The following SLC44A1 variants were observed in gnomAD, a reference collection of about 807,000 sequenced individuals.
The protein encoded by SLC44A1 is choline transporter-like protein 1.
Under a neutral mutation model 79.3 loss-of-function variants are expected in SLC44A1, and 26 were observed. The observed-to-expected ratio is 0.33, with a 90% CI of 0.24 to 0.46. SLC44A1 has a LOEUF of 0.46. Ranked by LOEUF, SLC44A1 falls within the 20% of genes least tolerant of loss-of-function variation. The probability of loss-of-function intolerance (pLI) is 1.00; values close to 1 mark genes in which losing one functional copy is unlikely to be tolerated. For synonymous variants in SLC44A1, 263 were observed against 286.2 expected (o/e 0.92, Z 0.82); for missense variants, 688 against 798.1 (o/e 0.86, Z 1.66).
At chr9:105,427,375 C>T (rs1829336807) in intron 15 of SLC44A1, among the ~76,000 whole-genome samples, 1 of 152,068 alleles carries the variant, frequency 6.6e-6, no homozygotes, top group South Asian at 2.1e-4. Context: ...CAGCAATTTC[C>T]TCTCAAAATT....
At position 105,414,879 on chromosome 9, in the gene SLC44A1, C is replaced by T. The variant is rs549857196; in HGVS notation, c.1951-23402C>T. 7.2e-5 allele frequency among the ~76,000 whole-genome samples: 11 copies of T among 152,238 alleles called. No individual in the cohort carries two copies. The South Asian group carries it at 2.3e-3, about 32-fold the overall frequency. On this transcript the variant is annotated intron_variant, in intron 15 of 15. Coordinates refer to the SLC44A1 transcript ENST00000374724. Reference sequence around the variant, plus strand: ...CTTTGGAATGTTTATGTCCCATAAACTAACCATTAGGGATCTGTTTATTGG... The same window carrying T: ...CTTTGGAATGTTTATGTCCCATAAATTAACCATTAGGGATCTGTTTATTGG...
intron 7 of SLC44A1, among the ~76,000 whole-genome samples, chr9:105,359,649 AT>A (rs1282725038): frequency 1.3e-5 from 2 of 152,064 alleles, no homozygotes; most frequent in African/African-American, 4.8e-5. Flanking sequence ...ATTTCATTCT[AT>A]TTTTTTAACT....
At chr9:105,388,090 T>C (rs1199613658) in intron 15 of SLC44A1, among the ~76,000 whole-genome samples, 1 of 152,240 alleles carries the variant, frequency 6.6e-6, no homozygotes, top group East Asian at 1.9e-4. Flanking sequence ...ATTGTTCTGG[T>C]GCTTTGGACA....
chr9:105,244,917 C>T lies in SLC44A1; in HGVS notation c.36+13C>T. 1 of 1,179,546 alleles carries T rather than the reference C, an allele frequency of 8.5e-7. No individual in the cohort carries two copies. The allele number at this position is 1,179,546 out of a possible 1,614,324, so 73.1% of individuals were successfully genotyped here. On this transcript the variant is annotated intron_variant, in intron 1 of 15. Coordinates refer to ENST00000374720, the MANE Select transcript of SLC44A1 (RefSeq NM_080546.5). ...CTCCGCCGCGCAGGTGAGGGGCTCC[C>T]GCCTCCCGGCCGCCCGCCCGGATGC...
rs182098443 is a variant in SLC44A1, at chr9:105,245,230, G to C, written c.36+326G>C. 6.9e-4 allele frequency among the ~76,000 whole-genome samples: 105 copies of C among 152,112 alleles called. 1 individual carries two copies. Among genetic ancestry groups the C allele is most frequent in the Middle Eastern group, 3.4e-3 (1 of 294 alleles). Reference sequence around the variant, plus strand: ...GCCTGCAGGTAGAGGCTGCACTGGCGCCTCCTCTGCCCCAGGTGGCATCCC... The same window carrying C: ...GCCTGCAGGTAGAGGCTGCACTGGCCCCTCCTCTGCCCCAGGTGGCATCCC... On this transcript the variant is annotated intron_variant, in intron 1 of 15. Coordinates refer to ENST00000374720, the MANE Select transcript of SLC44A1 (RefSeq NM_080546.5).
chr9:105,262,814 C>A (rs937108338), intron 1 of SLC44A1, among the ~76,000 whole-genome samples: 8 of 152,220 alleles, frequency 5.3e-5, no homozygotes, highest in African/African-American at 1.7e-4. Context: ...TTCCATTTAT[C>A]TTCCAGCTTT....
chr9:105,328,013 C>T (rs1337297376), intron 3 of SLC44A1, among the ~76,000 whole-genome samples: 7 of 152,150 alleles, frequency 4.6e-5, no homozygotes, highest in Non-Finnish European at 8.8e-5. Flanking sequence ...TTTGAATAAA[C>T]GAGAGTATTT....
At chr9:105,366,297 C>A in intron 11 of SLC44A1, 49 bp from the exon 12 acceptor site, 1 of 951,340 alleles carries the variant, frequency 1.1e-6, no homozygotes, top group Non-Finnish European at 1.5e-6. Context: ...TTCTATGTGA[C>A]AGTTTGATTC....
chr9:105,324,817 A>G (rs758164280), intron 3 of SLC44A1, among the ~76,000 whole-genome samples: 4 of 152,206 alleles, frequency 2.6e-5, no homozygotes, highest in Non-Finnish European at 5.9e-5. Context: ...ACTATTTCAC[A>G]TCCACTAGAA....
At chr9:105,324,126 C>T (rs370734618) in intron 3 of SLC44A1, among the ~76,000 whole-genome samples, 3 of 151,620 alleles carry the variant, frequency 2.0e-5, no homozygotes, top group Non-Finnish European at 2.9e-5. Context: ...CTCAGCCTCC[C>T]GAGTAGCTGG....
chr9:105,431,002 C>T (rs1477968245), intron 15 of SLC44A1, among the ~76,000 whole-genome samples: 2 of 152,148 alleles, frequency 1.3e-5, no homozygotes, highest in Non-Finnish European at 2.9e-5. Flanking sequence ...TTTTGTTTTG[C>T]ATTTTCCTTA....
rs1240201940 is a variant in SLC44A1, at chr9:105,390,127, T to A, written c.*1071T>A. 8.1e-7 allele frequency: 1 copy of A among 1,240,362 alleles called. No individual in the cohort carries two copies. The highest frequency in any genetic ancestry group is 1.0e-6 in the Non-Finnish European group (1 of 986,244). The allele number at this position is 1,240,362 out of a possible 1,614,324, so 76.8% of individuals were successfully genotyped here. A position where few individuals can be genotyped will look rare whatever the true frequency, so the allele number is the denominator to read the frequency against. On this transcript the variant is annotated 3_prime_UTR_variant, in exon 16 of 16. Transcript: ENST00000374720. Reference sequence around the variant, plus strand: ...AGTTCTACGATGTTTAACTGAAGAATTGGCTAATGTTTTGATCCTCCAGTG... The same window carrying A: ...AGTTCTACGATGTTTAACTGAAGAAATGGCTAATGTTTTGATCCTCCAGTG...
rs546602135 is a variant in SLC44A1 at position 105,434,113 on chromosome 9, G to A, written c.1951-4168G>A. Among the ~76,000 whole-genome samples, 39 of 152,282 alleles carry A rather than the reference G, an allele frequency of 2.6e-4. 1 individual carries two copies. Among genetic ancestry groups the A allele is most frequent in the South Asian group, 2.1e-4 (1 of 4,820 alleles). On this transcript the variant is annotated intron_variant, in intron 15 of 15. Coordinates refer to the SLC44A1 transcript ENST00000374724. The stretch of plus-strand genomic sequence containing the variant: ...AGCACTTTGGGAGGCCAAGGCGGAC[G>A]GAACATTTGAGTTTAGGAGTTTGAG...
intron 11 of SLC44A1, 48 bp from the exon 12 acceptor site, chr9:105,366,298 A>G (rs752400417): frequency 3.1e-6 from 3 of 969,116 alleles, no homozygotes; most frequent in African/African-American, 1.7e-5. Context: ...TCTATGTGAC[A>G]GTTTGATTCT....
In SLC44A1 at chr9:105,244,802, G is replaced by A; in HGVS notation, c.-67G>A. On this transcript the variant is annotated 5_prime_UTR_variant, in exon 1 of 16. Transcript: ENST00000374720. ...GCCCTCCCCGGGCGCCCGCCGGCTC[G>A]CATGCCGAGGGGCTCCGGGGCGTAG... 9.7e-7 allele frequency: 1 copy of A among 1,028,882 alleles called. No individual in the cohort carries two copies. The highest frequency in any genetic ancestry group is 1.2e-6 in the Non-Finnish European group (1 of 835,644). The allele number at this position is 1,028,882 out of a possible 1,614,324, so 63.7% of individuals were successfully genotyped here. A position where few individuals can be genotyped will look rare whatever the true frequency, so the allele number is the denominator to read the frequency against.
chr9:105,392,309 T>C lies in SLC44A1; in HGVS notation c.*3253T>C, dbSNP rs1828778496. On this transcript the variant is annotated 3_prime_UTR_variant, in exon 16 of 16. Coordinates refer to ENST00000374720, the MANE Select transcript of SLC44A1 (RefSeq NM_080546.5). Reference sequence around the variant, plus strand: ...ACTGTATGTTGGTACCCAAACTTTTTCTATAATGGTTAAGGAGGAGGCACT... The same window carrying C: ...ACTGTATGTTGGTACCCAAACTTTTCCTATAATGGTTAAGGAGGAGGCACT... 1.0e-6 allele frequency: 1 copy of C among 984,702 alleles called. No individual in the cohort carries two copies. The highest frequency in any genetic ancestry group is 1.7e-5 in the African/African-American group (1 of 57,214). The allele number at this position is 984,702 out of a possible 1,614,324, so 61.0% of individuals were successfully genotyped here. A position where few individuals can be genotyped will look rare whatever the true frequency, so the allele number is the denominator to read the frequency against.
At chr9:105,266,188 A>G (rs1829957809) in intron 1 of SLC44A1, among the ~76,000 whole-genome samples, 1 of 152,050 alleles carries the variant, frequency 6.6e-6, no homozygotes, top group Non-Finnish European at 1.5e-5. Flanking sequence ...GCTGGTCTCA[A>G]ACTGCTGGCC....
At chr9:105,258,878 T>G (rs906086693) in intron 1 of SLC44A1, among the ~76,000 whole-genome samples, 17 of 151,888 alleles carry the variant, frequency 1.1e-4, no homozygotes, top group East Asian at 3.9e-4. Flanking sequence ...TTTTGTTTTT[T>G]TTTTTTGGTA....
intron 1 of SLC44A1, among the ~76,000 whole-genome samples, chr9:105,253,397 T>A (rs976518572): frequency 6.6e-6 from 1 of 152,162 alleles, no homozygotes; most frequent in South Asian, 2.1e-4. Context: ...TCTCAGAAAA[T>A]TCTTCATTTT....
Sources: gnomAD v4.1 joint callset for allele counts (sites outside exome capture counted in the v4.1 genomes callset) on GRCh38, gnomAD v4.1.1 for gene constraint, MANE v1.5 for transcripts, NCBI Gene and HGNC (gene_info 2026-07-23, HGNC 2026-07-21) for gene names.